WDFY3: variants seen among roughly 807,000 people sequenced by gnomAD.
WDFY3 encodes the protein WD repeat and FYVE domain containing 3.
WDFY3 carries 66 observed loss-of-function variants against 409.6 expected under a neutral mutation model. The observed-to-expected ratio is 0.16, with a 90% CI of 0.13 to 0.20. The LOEUF is 0.20. WDFY3 is among the 10% of genes least tolerant of loss of function. The probability of loss-of-function intolerance (pLI) is 1.00; values close to 1 mark genes in which losing one functional copy is unlikely to be tolerated. For missense variants in WDFY3, 3,031 were observed against 4,298.1 expected, an observed-to-expected ratio of 0.71 and a Z score of 8.24; for synonymous variants, 1,521 against 1,537.1, an observed-to-expected ratio of 0.99 and a Z score of 0.25.
intron 10 of WDFY3, among the ~76,000 whole-genome samples, chr4:84,824,310 AT>A (rs1236041956): frequency 6.6e-6 from 1 of 152,128 alleles, no homozygotes; most frequent in Admixed American, 6.6e-5. Context: ...TAATTGTTAT[AT>A]TTTACTATTA....
At chr4:84,722,399 A>G (rs541826648) in intron 46 of WDFY3, among the ~76,000 whole-genome samples, 5 of 152,240 alleles carry the variant, frequency 3.3e-5, no homozygotes, top group Admixed American at 3.3e-4. Flanking sequence ...AAAAAGTAAA[A>G]AATAAACATG....
intron 67 of WDFY3, among the ~76,000 whole-genome samples, chr4:84,674,332 G>A (rs533275954): frequency 6.6e-6 from 1 of 152,316 alleles, no homozygotes; most frequent in South Asian, 2.1e-4. Context: ...CACTTTAGGA[G>A]GCTGAGGCGG....
At chr4:84,743,548 A>G (rs1270632424) in intron 37 of WDFY3, 152 bp downstream of exon 37, 2 of 416,584 alleles carry the variant, frequency 4.8e-6, no homozygotes, top group Non-Finnish European at 8.0e-6. Flanking sequence ...GCTACATGCA[A>G]CAAGATAGAC....
At chr4:84,706,558 A>G (rs1463954055) in intron 53 of WDFY3, among the ~76,000 whole-genome samples, 1 of 151,988 alleles carries the variant, frequency 6.6e-6, no homozygotes, top group Non-Finnish European at 1.5e-5. Context: ...GAAAAAAAAA[A>G]AAAAAACCCA....
At chr4:84,881,413 A>T (rs1209372619) in intron 3 of WDFY3, among the ~76,000 whole-genome samples, 1 of 152,184 alleles carries the variant, frequency 6.6e-6, no homozygotes, top group Non-Finnish European at 1.5e-5. Flanking sequence ...GTACTTTGCA[A>T]GAAAGACGGC....
intron 2 of WDFY3, among the ~76,000 whole-genome samples, chr4:84,905,914 TC>T (rs1766982879): frequency 6.6e-6 from 1 of 152,186 alleles, no homozygotes; most frequent in African/African-American, 2.4e-5. Context: ...AGGTCACCTC[TC>T]TTGACAAGCC....
intron 67 of WDFY3, among the ~76,000 whole-genome samples, chr4:84,676,770 G>A (rs907507014): frequency 3.9e-5 from 6 of 152,142 alleles, no homozygotes; most frequent in African/African-American, 1.2e-4. Context: ...AGTATAGTAC[G>A]TAAAGCTGAA....
At chr4:84,946,730 A>C (rs1021238388) in intron 1 of WDFY3, among the ~76,000 whole-genome samples, 1 of 152,152 alleles carries the variant, frequency 6.6e-6, no homozygotes, top group Non-Finnish European at 1.5e-5. Flanking sequence ...CTAGCGCGCT[A>C]TACATCATAA....
intron 10 of WDFY3, among the ~76,000 whole-genome samples, chr4:84,824,841 C>T (rs1444158958): frequency 6.6e-6 from 1 of 152,060 alleles, no homozygotes; most frequent in Non-Finnish European, 1.5e-5. Flanking sequence ...TGCAATAATG[C>T]TAAAAGTAGG....
chr4:84,831,185 CAAAAAAA>C (rs56810528), intron 8 of WDFY3, among the ~76,000 whole-genome samples: 68 of 103,322 alleles, frequency 6.6e-4, no homozygotes, highest in East Asian at 3.8e-3. Flanking sequence ...AGACTCCATC[CAAAAAAA>C]AAAAAAAAAA....
intron 23 of WDFY3, 30 bp from the exon 24 acceptor site, chr4:84,786,169 TC>T: frequency 6.4e-7 from 1 of 1,567,830 alleles, no homozygotes; most frequent in South Asian, 1.2e-5. Flanking sequence ...CTTTTCAAAA[TC>T]ATCAGTAGTT....
chr4:84,793,864 T>A (rs996293892), intron 21 of WDFY3, among the ~76,000 whole-genome samples: 2 of 152,252 alleles, frequency 1.3e-5, no homozygotes, highest in East Asian at 3.8e-4. Context: ...ATATGTGATA[T>A]TATTTTACTT....
At chr4:84,946,986 T>G (rs1309097047) in intron 1 of WDFY3, among the ~76,000 whole-genome samples, 1 of 151,526 alleles carries the variant, frequency 6.6e-6, no homozygotes, top group Non-Finnish European at 1.5e-5. Flanking sequence ...TTTTTGTATT[T>G]TTAGTAGATA....
chr4:84,857,856 A>G (rs982102443), intron 4 of WDFY3, among the ~76,000 whole-genome samples: 1 of 152,170 alleles, frequency 6.6e-6, no homozygotes, highest in African/African-American at 2.4e-5. Context: ...CTCATGGGTG[A>G]TATGTGAACT....
chr4:84,860,879 G>C (rs538504993), intron 3 of WDFY3, among the ~76,000 whole-genome samples: 2 of 152,276 alleles, frequency 1.3e-5, no homozygotes, highest in South Asian at 4.1e-4. Flanking sequence ...AATCAGACAA[G>C]TAATAAATGT....
chr4:84,751,300 A>G, intron 36 of WDFY3, 183 bp downstream of exon 36: 1 of 640,324 alleles, frequency 1.6e-6, no homozygotes, highest in Non-Finnish European at 2.7e-6. Flanking sequence ...AGGGAAGGAA[A>G]AGAACAAACT....
chr4:84,928,030 G>C (rs1770232313), intron 2 of WDFY3, among the ~76,000 whole-genome samples: 1 of 152,178 alleles, frequency 6.6e-6, no homozygotes, highest in Non-Finnish European at 1.5e-5. Context: ...GTTTCCAAAG[G>C]AGATTGACAT....
intron 44 of WDFY3, among the ~76,000 whole-genome samples, chr4:84,727,238 A>T (rs1012167143): frequency 3.5e-5 from 5 of 144,224 alleles, no homozygotes; most frequent in South Asian, 4.3e-4. Flanking sequence ...TACATTGTTT[A>T]AAAAAAAAAA....
chr4:84,966,077 G>A (rs1011949435), intron 1 of WDFY3, 132 bp downstream of exon 1: 1 of 152,044 alleles, frequency 6.6e-6, no homozygotes, highest in African/African-American at 2.4e-5. Context: ...CTGTCCCTAG[G>A]GGGAGCGGGC....
Sources: gnomAD v4.1 joint callset for allele counts (sites outside exome capture counted in the v4.1 genomes callset) on GRCh38, gnomAD v4.1.1 for gene constraint, MANE v1.5 for transcripts, NCBI Gene and HGNC (gene_info 2026-07-23, HGNC 2026-07-21) for gene names.